SETBP1: variants seen among roughly 807,000 people sequenced by gnomAD.
The protein encoded by SETBP1 is SET binding protein 1.
SETBP1 carries 9 observed loss-of-function variants against 101.0 expected under a neutral mutation model. The observed-to-expected ratio is 0.09, with a 90% CI of 0.05 to 0.16. The LOEUF (loss-of-function observed/expected upper bound fraction) is 0.16. SETBP1 is among the 10% of genes least tolerant of loss of function. The pLI is 1.00. For missense variants in SETBP1, 1,858 were observed against 2,033.8 expected (o/e 0.91, Z 1.66); for synonymous variants, 818 against 788.5 (o/e 1.04, Z -0.63).
At chr18:45,024,784 A>G (rs1568034872) in intron 4 of SETBP1, among the ~76,000 whole-genome samples, 1 of 152,226 alleles carries the variant, frequency 6.6e-6, no homozygotes, top group Non-Finnish European at 1.5e-5. Flanking sequence ...AAAGAAATGC[A>G]CTGCATCCAT....
At chr18:44,913,159 T>C (rs2144891471) in intron 3 of SETBP1, among the ~76,000 whole-genome samples, 1 of 152,318 alleles carries the variant, frequency 6.6e-6, no homozygotes, top group African/African-American at 2.4e-5. Context: ...TTTTCCTTCA[T>C]AAATGTACAT....
intron 2 of SETBP1, among the ~76,000 whole-genome samples, chr18:44,812,941 C>T (rs1480786160): frequency 6.6e-6 from 1 of 152,186 alleles, no homozygotes; most frequent in African/African-American, 2.4e-5. Context: ...ATTGTCCCTT[C>T]CATGGCATTA....
At position 44,951,557 on chromosome 18, in the gene SETBP1, C is replaced by T. The variant is rs755235074; in HGVS notation, c.2217C>T (p.Ser739=). Residue 739 remains serine (S), a synonymous_variant, in exon 4 of 6, where the codon TCC becomes TCT. Transcript: ENST00000649279. The surrounding 1 kb of genome is among the most constrained non-coding windows in gnomAD (Gnocchi z 7.8). The stretch of plus-strand genomic sequence containing the variant: ...CAAGAGCAGAGCTGCCACCCCCATC[C>T]GAAGAACCCAAAACAGCCATCAAGC... The part of the protein sequence containing the change: ...RKPRAELPPP[S]EEPKTAIKHP... 32 of 1,613,984 alleles carry T rather than the reference C, an allele frequency of 2.0e-5. No homozygotes were observed. Among genetic ancestry groups the T allele is most frequent in the Admixed American group, 3.3e-5 (2 of 60,000 alleles).
At chr18:44,982,259 C>T (rs1026221614) in intron 4 of SETBP1, among the ~76,000 whole-genome samples, 79 of 152,298 alleles carry the variant, frequency 5.2e-4, no homozygotes, top group African/African-American at 1.9e-3. Context: ...AAGCAAAAAG[C>T]CTGGGAAGCA....
chr18:44,878,999 G>T (rs559939885), intron 3 of SETBP1, among the ~76,000 whole-genome samples: 1 of 152,226 alleles, frequency 6.6e-6, no homozygotes, highest in South Asian at 2.1e-4. Flanking sequence ...CCACCCTCCA[G>T]CTCTGCCATG....
intron 2 of SETBP1, among the ~76,000 whole-genome samples, chr18:44,785,656 A>C (rs112203294): frequency 2.0e-5 from 3 of 152,164 alleles, no homozygotes; most frequent in African/African-American, 7.2e-5. Flanking sequence ...TTAATCTGTC[A>C]TTTTAAGACC....
At chr18:44,910,180 TCTCACTAAA>T (rs1365799962) in intron 3 of SETBP1, among the ~76,000 whole-genome samples, 3 of 152,134 alleles carry the variant, frequency 2.0e-5, no homozygotes, top group Non-Finnish European at 2.9e-5. Context: ...AGCAGGAGGT[TCTCACTAAA>T]AACATGCCGA....
chr18:44,983,831 C>A (rs991090301), intron 4 of SETBP1, among the ~76,000 whole-genome samples: 4 of 152,178 alleles, frequency 2.6e-5, no homozygotes, highest in African/African-American at 7.2e-5. Context: ...AAGTGACTCA[C>A]CTTTTCTCAA....
chr18:44,940,750 T>C (rs1346731672), intron 3 of SETBP1, among the ~76,000 whole-genome samples: 1 of 152,210 alleles, frequency 6.6e-6, no homozygotes, highest in Admixed American at 6.5e-5. Flanking sequence ...ACTTGTCTTT[T>C]AACAATCTTA....
intron 2 of SETBP1, among the ~76,000 whole-genome samples, chr18:44,755,310 T>C (rs888717197): frequency 6.6e-6 from 1 of 152,184 alleles, no homozygotes; most frequent in Admixed American, 6.5e-5. Flanking sequence ...TTTCTGGGCA[T>C]GTCTGAGGGT....
At chr18:45,035,921 C>T (rs766668141) in intron 4 of SETBP1, among the ~76,000 whole-genome samples, 1 of 152,238 alleles carries the variant, frequency 6.6e-6, no homozygotes, top group Non-Finnish European at 1.5e-5. Context: ...GAAAATACCT[C>T]AGTCATTCTG....
chr18:44,767,326 A>G (rs760274421), intron 2 of SETBP1, among the ~76,000 whole-genome samples: 1 of 152,168 alleles, frequency 6.6e-6, no homozygotes, highest in Admixed American at 6.6e-5. Flanking sequence ...ATCCATTACT[A>G]CAAAGAAAAA....
chr18:44,867,735 TG>T (rs150820275), intron 2 of SETBP1, among the ~76,000 whole-genome samples: 1 of 142,828 alleles, frequency 7.0e-6, no homozygotes. Context: ...GGATGGGGAA[TG>T]GGGGGGTGGG....
chr18:44,995,303 G>A (rs1402296500), intron 4 of SETBP1, among the ~76,000 whole-genome samples: 8 of 151,868 alleles, frequency 5.3e-5, no homozygotes, highest in Admixed American at 2.6e-4. Context: ...CACCATGCCC[G>A]ACTAATTTTT....
intron 4 of SETBP1, among the ~76,000 whole-genome samples, chr18:44,959,753 G>C (rs1374642718): frequency 6.6e-6 from 1 of 152,174 alleles, no homozygotes; most frequent in Non-Finnish European, 1.5e-5. Flanking sequence ...CACCATGTAA[G>C]ATGGGTCTTG....
chr18:45,060,474 G>GA (rs538865374), intron 5 of SETBP1, among the ~76,000 whole-genome samples: 190 of 151,598 alleles, frequency 1.3e-3, no homozygotes, highest in Non-Finnish European at 2.3e-3. Flanking sequence ...AACAAGCATA[G>GA]AAAAAAGGGA....
intron 2 of SETBP1, among the ~76,000 whole-genome samples, chr18:44,863,813 C>T (rs566165208): frequency 9.1e-4 from 139 of 152,314 alleles, no homozygotes; most frequent in African/African-American, 3.3e-3. Flanking sequence ...GTGCCAGCAT[C>T]CTTTGCTTTG....
chr18:44,931,114 G>A (rs113701508), intron 3 of SETBP1, among the ~76,000 whole-genome samples: 16 of 152,304 alleles, frequency 1.1e-4, no homozygotes, highest in African/African-American at 3.9e-4. Flanking sequence ...CTTTAAATGT[G>A]TCCCAGAGAT....
In SETBP1 at chr18:45,031,935, G is replaced by GT. The variant is rs112820630; in HGVS notation, c.4001-6543dup. On this transcript the variant is annotated intron_variant, in intron 4 of 5. Coordinates refer to ENST00000649279, the MANE Select transcript of SETBP1 (RefSeq NM_015559.3). ...CCTTTCCAGGCATAGCTCAGTATTT[G>GT]TTTTTTTACAACTCATCCAAAGCAC... 3.3e-4 allele frequency among the ~76,000 whole-genome samples: 50 copies of GT among 152,200 alleles called. 1 individual carries two copies. Among genetic ancestry groups the GT allele is most frequent in the Non-Finnish European group, 1.0e-4 (7 of 68,000 alleles).
Sources: gnomAD v4.1 joint callset for allele counts (sites outside exome capture counted in the v4.1 genomes callset) on GRCh38, gnomAD v4.1.1 for gene constraint, Gnocchi (gnomAD v3.1) non-coding constraint, MANE v1.5 for transcripts, NCBI Gene and HGNC (gene_info 2026-07-23, HGNC 2026-07-21) for gene names.